CYP7B1: variants seen among roughly 807,000 people sequenced by gnomAD.
CYP7B1 encodes cytochrome P450 family 7 subfamily B member 1, also known as cytochrome P450 7B1.
Under a neutral mutation model 42.7 loss-of-function variants are expected in CYP7B1, and 29 were observed. That is an observed-to-expected ratio of 0.68 (90% CI 0.51 to 0.93). The LOEUF (loss-of-function observed/expected upper bound fraction) is 0.93. Among genes scored for constraint, CYP7B1 ranks in the 40% least tolerant of loss-of-function variants. The pLI is 0.00. For synonymous variants in CYP7B1, 235 were observed against 218.2 expected, an observed-to-expected ratio of 1.08 and a Z score of -0.68; for missense variants, 655 against 600.5, an observed-to-expected ratio of 1.09 and a Z score of -0.95.
At chr8:64,747,161 T>C (rs1271008527) in intron 1 of CYP7B1, among the ~76,000 whole-genome samples, 1 of 148,458 alleles carries the variant, frequency 6.7e-6, no homozygotes, top group Non-Finnish European at 1.5e-5. Context: ...TAAGTATATA[T>C]TGTATATTAC....
chr8:64,600,288 T>G (rs1454066554), intron 5 of CYP7B1, among the ~76,000 whole-genome samples: 1 of 152,162 alleles, frequency 6.6e-6, no homozygotes, highest in African/African-American at 2.4e-5. Context: ...ACACCCTAAT[T>G]TGTGTTCTCC....
rs752498328 is a variant in CYP7B1, at chr8:64,598,996, T to C, written c.1234-2067A>G. Among the ~76,000 whole-genome samples the C allele has an allele frequency of 1.4e-4, 22 of 152,118 alleles. 1 individual carries two copies. Among genetic ancestry groups the C allele is most frequent in the Non-Finnish European group, 2.5e-4 (17 of 68,010 alleles). ...CATGGAAAACCTAAGCAGGAACCAA[T>C]GTTAAGAAGGGCCTGTGTCAGCTGC... On this transcript the variant is annotated intron_variant, in intron 5 of 5. Transcript: ENST00000310193.
At chr8:64,743,669 T>C (rs1807601954) in intron 1 of CYP7B1, among the ~76,000 whole-genome samples, 1 of 152,162 alleles carries the variant, frequency 6.6e-6, no homozygotes, top group African/African-American at 2.4e-5. Context: ...ACCAGTCTGA[T>C]TGGATTAGGG....
At chr8:64,722,676 A>T (rs1807257154) in intron 1 of CYP7B1, among the ~76,000 whole-genome samples, 1 of 139,790 alleles carries the variant, frequency 7.2e-6, no homozygotes. Flanking sequence ...GAAAACTGGG[A>T]TCTCGTAGTA....
chr8:64,750,948 C>CA (rs770168853), intron 1 of CYP7B1, among the ~76,000 whole-genome samples: 5 of 152,098 alleles, frequency 3.3e-5, no homozygotes, highest in Non-Finnish European at 7.4e-5. Context: ...TACATCATGC[C>CA]AGGACACCAT....
intron 1 of CYP7B1, among the ~76,000 whole-genome samples, chr8:64,741,467 G>A (rs1433308448): frequency 6.6e-6 from 1 of 152,170 alleles, no homozygotes; most frequent in Non-Finnish European, 1.5e-5. Flanking sequence ...TTACAGGCAT[G>A]CACCACCATG....
chr8:64,798,453 C>A lies in CYP7B1; in HGVS notation c.122+13G>T. ...CCAGGGCGCATGCGTGGCCTGGCGGCCGAGGCGCTTACCTGGTGCGCCGGA... is the reference window on the plus strand; with the variant it reads ...CCAGGGCGCATGCGTGGCCTGGCGGACGAGGCGCTTACCTGGTGCGCCGGA... On this transcript the variant is annotated intron_variant, in intron 1 of 5. Transcript: ENST00000310193. 6.6e-7 allele frequency: 1 copy of A among 1,509,078 alleles called. No homozygotes were observed. Among genetic ancestry groups the A allele is most frequent in the African/African-American group, 1.4e-5 (1 of 69,752 alleles). 93.5% of individuals were successfully genotyped at this position (1,509,078 alleles called of 1,614,324 possible).
intron 1 of CYP7B1, among the ~76,000 whole-genome samples, chr8:64,654,888 C>CT (rs1452439602): frequency 6.6e-6 from 1 of 152,172 alleles, no homozygotes; most frequent in Non-Finnish European, 1.5e-5. Flanking sequence ...GTCATCTGAT[C>CT]TTTGACAAAG....
At chr8:64,643,477 T>C (rs1433164320) in intron 1 of CYP7B1, among the ~76,000 whole-genome samples, 3 of 152,190 alleles carry the variant, frequency 2.0e-5, no homozygotes, top group Non-Finnish European at 4.4e-5. Context: ...ACAGTCTTTT[T>C]GCTAGAGGAG....
intron 1 of CYP7B1, among the ~76,000 whole-genome samples, chr8:64,751,572 G>A (rs1004583937): frequency 7.9e-5 from 12 of 151,982 alleles, no homozygotes; most frequent in Non-Finnish European, 1.8e-4. Flanking sequence ...TCATCTTCAA[G>A]CACCTCTATG....
At chr8:64,657,620 A>T (rs183044179) in intron 1 of CYP7B1, among the ~76,000 whole-genome samples, 1 of 152,324 alleles carries the variant, frequency 6.6e-6, no homozygotes, top group East Asian at 1.9e-4. Context: ...ATGTTAAAGG[A>T]AGAGATGGTT....
intron 5 of CYP7B1, among the ~76,000 whole-genome samples, chr8:64,601,650 A>G (rs1159296953): frequency 1.3e-5 from 2 of 152,246 alleles, no homozygotes; most frequent in African/African-American, 4.8e-5. Context: ...TATAGGCTCA[A>G]TTAAGTTCCC....
intron 1 of CYP7B1, among the ~76,000 whole-genome samples, chr8:64,721,108 A>G (rs1399082430): frequency 6.6e-6 from 1 of 151,666 alleles, no homozygotes; most frequent in African/African-American, 2.4e-5. Flanking sequence ...TTTTTTACCT[A>G]TAAAGTCAAT....
At chr8:64,706,359 C>T (rs1212887497) in intron 1 of CYP7B1, among the ~76,000 whole-genome samples, 1 of 151,970 alleles carries the variant, frequency 6.6e-6, no homozygotes, top group East Asian at 1.9e-4. Context: ...TACTCTTAAA[C>T]TAGGAGGATG....
chr8:64,644,193 A>G (rs1805911425), intron 1 of CYP7B1, among the ~76,000 whole-genome samples: 1 of 151,016 alleles, frequency 6.6e-6, no homozygotes, highest in Non-Finnish European at 1.5e-5. Context: ...AATCACTTGA[A>G]CCCAGGAGGC....
downstream of CYP7B1, among the ~76,000 whole-genome samples, chr8:64,587,400 C>G (rs1210443300): frequency 6.6e-6 from 1 of 152,246 alleles, no homozygotes; most frequent in Non-Finnish European, 1.5e-5. Context: ...AAGAGAACTT[C>G]AGGGGCTCTG....
At chr8:64,764,976 G>GAA (rs569191280) in intron 1 of CYP7B1, among the ~76,000 whole-genome samples, 13 of 128,792 alleles carry the variant, frequency 1.0e-4, no homozygotes, top group Admixed American at 1.6e-4. Context: ...GGTGATTGAG[G>GAA]AAAAAAAAAA....
intron 1 of CYP7B1, among the ~76,000 whole-genome samples, chr8:64,721,843 T>C (rs1342478111): frequency 6.6e-6 from 1 of 152,182 alleles, no homozygotes; most frequent in African/African-American, 2.4e-5. Context: ...TAACATTATC[T>C]ACTGTAAATG....
intron 1 of CYP7B1, among the ~76,000 whole-genome samples, chr8:64,689,341 A>G (rs1166616217): frequency 1.3e-5 from 2 of 152,234 alleles, no homozygotes; most frequent in Non-Finnish European, 2.9e-5. Context: ...CATAGATCCT[A>G]CTTCAATGGC....
Sources: allele counts gnomAD v4.1 joint callset (sites outside exome capture counted in the v4.1 genomes callset), GRCh38; gene constraint gnomAD v4.1.1; transcripts MANE v1.5; gene names NCBI Gene and HGNC (gene_info 2026-07-23, HGNC 2026-07-21).